Variants in CACNA2D3 observed in about 807,000 individuals in gnomAD.
CACNA2D3 encodes the protein voltage-dependent calcium channel subunit alpha-2/delta-3.
CACNA2D3 carries 60 observed loss-of-function variants against 160.6 expected under a neutral mutation model. The ratio of observed to expected loss-of-function variants is 0.37; its 90% CI spans 0.30 to 0.46. CACNA2D3 has a LOEUF of 0.46. Among genes scored for constraint, CACNA2D3 ranks in the 20% least tolerant of loss-of-function variants. The pLI is 1.00. For missense variants in CACNA2D3, 1,205 were observed against 1,365.0 expected (o/e 0.88, Z 1.85); for synonymous variants, 558 against 492.9 (o/e 1.13, Z -1.75).
chr3:54,171,457 G>A (rs1473501452), intron 2 of CACNA2D3, among the ~76,000 whole-genome samples: 3 of 151,978 alleles, frequency 2.0e-5, no homozygotes, highest in Non-Finnish European at 2.9e-5. Context: ...CTGTCACTGA[G>A]GAAGGGCATG....
At chr3:54,405,571 A>G (rs1699560467) in intron 4 of CACNA2D3, among the ~76,000 whole-genome samples, 1 of 152,082 alleles carries the variant, frequency 6.6e-6, no homozygotes, top group Admixed American at 6.6e-5. Flanking sequence ...TCAACTCAAA[A>G]TGGATGAAAG....
chr3:54,512,721 A>T (rs1198711773), intron 5 of CACNA2D3, among the ~76,000 whole-genome samples: 1 of 152,206 alleles, frequency 6.6e-6, no homozygotes, highest in South Asian at 2.1e-4. Flanking sequence ...CTGTGTGTCC[A>T]TGTCCTACTT....
intron 11 of CACNA2D3, among the ~76,000 whole-genome samples, chr3:54,661,839 TG>T (rs1699978096): frequency 5.6e-5 from 1 of 17,736 alleles, no homozygotes; most frequent in Non-Finnish European, 1.7e-4. Flanking sequence ...ATCTCAGGGA[TG>T]TGTGTATGTG....
At chr3:54,287,497 G>A (rs1381880350) in intron 2 of CACNA2D3, among the ~76,000 whole-genome samples, 2 of 150,142 alleles carry the variant, frequency 1.3e-5, no homozygotes, top group African/African-American at 4.9e-5. Flanking sequence ...ACACCCCACT[G>A]TCAACATTAG....
At chr3:54,337,615 T>C (rs147194874) in intron 3 of CACNA2D3, among the ~76,000 whole-genome samples, 1 of 152,322 alleles carries the variant, frequency 6.6e-6, no homozygotes, top group East Asian at 1.9e-4. Flanking sequence ...GGGGGATTTA[T>C]TGATGCCATC....
chr3:54,666,500 A>G (rs1161790956), intron 11 of CACNA2D3, among the ~76,000 whole-genome samples: 2 of 152,176 alleles, frequency 1.3e-5, no homozygotes, highest in Non-Finnish European at 2.9e-5. Flanking sequence ...CTCAGTTTCT[A>G]TATTTAAAAA....
chr3:54,585,529 A>G (rs973459260), intron 9 of CACNA2D3, among the ~76,000 whole-genome samples: 2 of 152,208 alleles, frequency 1.3e-5, no homozygotes, highest in African/African-American at 4.8e-5. Flanking sequence ...TAATAAAGAC[A>G]TACCTGAGAC....
At chr3:54,910,872 C>T (rs1488382071) in intron 27 of CACNA2D3, among the ~76,000 whole-genome samples, 2 of 152,146 alleles carry the variant, frequency 1.3e-5, no homozygotes, top group Non-Finnish European at 2.9e-5. Flanking sequence ...CTAGTTAGTC[C>T]AAAACCTTTG....
At chr3:54,869,442 G>T (rs1267371598) in intron 17 of CACNA2D3, among the ~76,000 whole-genome samples, 1 of 152,144 alleles carries the variant, frequency 6.6e-6, no homozygotes, top group African/African-American at 2.4e-5. Flanking sequence ...TATCTTTAGT[G>T]CCTTGCACTT....
At chr3:54,659,153 C>G (rs1699925100) in intron 11 of CACNA2D3, among the ~76,000 whole-genome samples, 1 of 152,174 alleles carries the variant, frequency 6.6e-6, no homozygotes, top group South Asian at 2.1e-4. Context: ...CACCTTTCAT[C>G]TTGTAAAAAA....
At chr3:54,330,137 A>G (rs992682789) in intron 3 of CACNA2D3, among the ~76,000 whole-genome samples, 1 of 152,116 alleles carries the variant, frequency 6.6e-6, no homozygotes, top group African/African-American at 2.4e-5. Context: ...CAGCCTGAAT[A>G]GATGAACATG....
intron 5 of CACNA2D3, among the ~76,000 whole-genome samples, chr3:54,532,508 T>G (rs1266221675): frequency 1.3e-5 from 2 of 152,240 alleles, no homozygotes; most frequent in African/African-American, 4.8e-5. Context: ...TATGTCCATG[T>G]GTACGCATCA....
chr3:54,424,222 G>A (rs979138477), intron 4 of CACNA2D3, among the ~76,000 whole-genome samples: 34 of 152,162 alleles, frequency 2.2e-4, no homozygotes, highest in African/African-American at 7.2e-4. Flanking sequence ...ACCAGTCTTG[G>A]TTAGAGTGAG....
intron 2 of CACNA2D3, among the ~76,000 whole-genome samples, chr3:54,196,416 G>T (rs1464813272): frequency 6.6e-6 from 1 of 152,286 alleles, no homozygotes; most frequent in East Asian, 1.9e-4. Context: ...CTGATGGATG[G>T]ATCTTCACAG....
chr3:54,211,624 A>G (rs1701373523), intron 2 of CACNA2D3, among the ~76,000 whole-genome samples: 2 of 152,188 alleles, frequency 1.3e-5, no homozygotes, highest in South Asian at 4.1e-4. Context: ...AAACTTAATT[A>G]GACTCATATT....
chr3:54,869,407 G>A (rs1034888383), intron 17 of CACNA2D3, among the ~76,000 whole-genome samples: 2 of 152,370 alleles, frequency 1.3e-5, no homozygotes, highest in South Asian at 4.1e-4. Flanking sequence ...TTGGGAAAGA[G>A]TGAAGCACTG....
At chr3:54,539,414 C>G (rs369448468) in intron 5 of CACNA2D3, among the ~76,000 whole-genome samples, 1 of 152,324 alleles carries the variant, frequency 6.6e-6, no homozygotes, top group East Asian at 1.9e-4. Context: ...TTAATGGTGC[C>G]TTGCCCAGGA....
chr3:54,818,092 T>C (rs946549792), intron 14 of CACNA2D3, among the ~76,000 whole-genome samples: 5 of 152,224 alleles, frequency 3.3e-5, no homozygotes, highest in African/African-American at 1.2e-4. Context: ...CTTCCACTTA[T>C]TGACATTTAT....
At chr3:54,282,076 C>T (rs1322913043) in intron 2 of CACNA2D3, among the ~76,000 whole-genome samples, 6 of 152,140 alleles carry the variant, frequency 3.9e-5, no homozygotes, top group Non-Finnish European at 7.3e-5. Context: ...GAAGGCTCTT[C>T]ATCACATAAT....
Sources: gnomAD v4.1 joint callset for allele counts (sites outside exome capture counted in the v4.1 genomes callset) on GRCh38, gnomAD v4.1.1 for gene constraint, MANE v1.5 for transcripts, NCBI Gene and HGNC (gene_info 2026-07-23, HGNC 2026-07-21) for gene names.